The following PRKD3 variants were observed in gnomAD, a reference collection of about 807,000 sequenced individuals.
PRKD3 encodes protein kinase D3.
PRKD3 carries 47 observed loss-of-function variants against 99.2 expected under a neutral mutation model. That is an observed-to-expected ratio of 0.47 (90% CI 0.38 to 0.60). The LOEUF (loss-of-function observed/expected upper bound fraction) is 0.60, where lower values mean the gene tolerates loss of function less well. Ranked by LOEUF, PRKD3 falls within the 20% of genes least tolerant of loss-of-function variation. The pLI, the probability that PRKD3 is intolerant of heterozygous loss-of-function variation, is 0.00. For synonymous variants in PRKD3, 392 were observed against 355.4 expected (o/e 1.10, Z -1.16); for missense variants, 1,019 against 1,088.4 (o/e 0.94, Z 0.90).
At position 37,256,656 on chromosome 2, in the gene PRKD3, TTTTAC is replaced by T; in HGVS notation, c.2413+1_2413+5del. 1.6e-6 allele frequency: 2 copies of T among 1,260,266 alleles called. No individual in the cohort carries two copies. Among genetic ancestry groups the T allele is most frequent in the East Asian group, 2.8e-5 (1 of 35,812 alleles). 78.1% of individuals were successfully genotyped at this position (1,260,266 alleles called of 1,614,324 possible). A position where few individuals can be genotyped will look rare whatever the true frequency, so the allele number is the denominator to read the frequency against. On this transcript the variant is annotated splice_donor_variant and splice_donor_5th_base_variant and intron_variant, in intron 17 of 18. Coordinates refer to ENST00000234179, the MANE Select transcript of PRKD3 (RefSeq NM_005813.6). LOFTEE classifies it high-confidence loss of function. ...TTTTTTTTTTTTTTTTTTTTTTTTT[TTTTAC>T]CTTCACCAGAAATTTCTCTCCATGG...
chr2:37,262,823 T>C (rs866996223), intron 14 of PRKD3, among the ~76,000 whole-genome samples: 1 of 152,220 alleles, frequency 6.6e-6, no homozygotes, highest in African/African-American at 2.4e-5. Flanking sequence ...TATACTTTCA[T>C]TGAGAATTAC....
At chr2:37,289,620 C>A in intron 4 of PRKD3, 107 bp from the exon 5 acceptor site, 1 of 908,398 alleles carries the variant, frequency 1.1e-6, no homozygotes, top group Admixed American at 3.0e-5. Context: ...TTTCTGTTAG[C>A]CATACCTATC....
chr2:37,259,595 C>G lies in PRKD3; in HGVS notation c.2133G>C (p.Glu711Asp). Reference protein sequence around the residue: ...KPENVLLASAEPFPQVKLCDF... With the variant: ...KPENVLLASADPFPQVKLCDF... ...GAGAATATCTCACCTGAGGAAATGG[C>G]TCTGCTGATGCAAGCAGCACATTTT... Residue 711 changes from glutamate (E) to aspartate (D), a missense_variant, in exon 16 of 19, where the codon GAG becomes GAC. Glu to Asp is a conservative substitution (Grantham distance 45). Around this residue, in one of 3 missense-constraint regions of PRKD3, gnomAD observed 184 missense variants for 275.1 expected, o/e 0.67. Coordinates refer to ENST00000234179, the MANE Select transcript of PRKD3 (RefSeq NM_005813.6). 1 of 1,610,396 alleles carries G rather than the reference C, an allele frequency of 6.2e-7. No individual in the cohort carries two copies.
Position 37,290,858 on chromosome 2 carries a change from G to T in PRKD3, c.559+10C>A. Reference sequence around the variant, plus strand: ...ATTTCAAATGACCACAAAAATTTTAGAACACACACCTTCACATTTCAGTCC... The same window carrying T: ...ATTTCAAATGACCACAAAAATTTTATAACACACACCTTCACATTTCAGTCC... On this transcript the variant is annotated intron_variant, in intron 4 of 18. Coordinates refer to ENST00000234179, the MANE Select transcript of PRKD3 (RefSeq NM_005813.6). 8 of 1,568,740 alleles carry T rather than the reference G, an allele frequency of 5.1e-6. No individual in the cohort carries two copies. Among genetic ancestry groups the T allele is most frequent in the Non-Finnish European group, 6.9e-6 (8 of 1,160,082 alleles).
At chr2:37,318,275 G>A (rs2124906647) in intron 1 of PRKD3, among the ~76,000 whole-genome samples, 1 of 152,290 alleles carries the variant, frequency 6.6e-6, no homozygotes, top group Non-Finnish European at 1.5e-5. Context: ...CTACTTTCAA[G>A]TAAATGATCA....
rs1162461192 is a variant in PRKD3 at position 37,269,610 on chromosome 2, C to T, written c.1777+5G>A. On this transcript the variant is annotated splice_donor_5th_base_variant and intron_variant, in intron 13 of 18. Coordinates refer to ENST00000234179, the MANE Select transcript of PRKD3 (RefSeq NM_005813.6). Reference sequence around the variant, plus strand: ...TACAATATGCAAACGGCTGTAGTTGCTTACCTCCATAAACGATGCCAAACT... The same window carrying T: ...TACAATATGCAAACGGCTGTAGTTGTTTACCTCCATAAACGATGCCAAACT... 6 of 1,606,344 alleles carry T rather than the reference C, an allele frequency of 3.7e-6. No individual in the cohort carries two copies. Among genetic ancestry groups the T allele is most frequent in the East Asian group, 2.2e-5 (1 of 44,818 alleles).
chr2:37,274,762 A>AT (rs1487853255), intron 10 of PRKD3, 65 bp from the exon 11 acceptor site: 6 of 1,432,928 alleles, frequency 4.2e-6, no homozygotes, highest in Middle Eastern at 1.9e-4. Flanking sequence ...TAAATACACT[A>AT]AAGAACCAGA....
At position 37,275,766 on chromosome 2, in the gene PRKD3, CCTTAT is replaced by C. The variant is rs1669537970; in HGVS notation, c.1370_1374del (p.Tyr457Ter). 6.2e-7 allele frequency: 1 copy of C among 1,602,854 alleles called. No individual in the cohort carries two copies. ...TATTTTTTAAAGTGTAAAATCCTTA[CCTTAT>C]AATACTTTGATCCAGATTCATTCTG... On this transcript the variant is annotated frameshift_variant and splice_region_variant, in exon 10 of 19. Transcript: ENST00000234179. LOFTEE classifies it high-confidence loss of function.
intron 2 of PRKD3, among the ~76,000 whole-genome samples, chr2:37,309,846 C>CA (rs33959650): frequency 0.069 from 6,754 of 98,092 alleles, 320 homozygotes; most frequent in African/African-American, 0.09. Flanking sequence ...GACTCCGTCT[C>CA]AAAAAAAAAA....
At chr2:37,303,589 A>G (rs1310549623) in intron 2 of PRKD3, among the ~76,000 whole-genome samples, 2 of 151,796 alleles carry the variant, frequency 1.3e-5, no homozygotes, top group African/African-American at 2.4e-5. Flanking sequence ...GCAGCTAGCC[A>G]GATCCTGCAC....
intron 2 of PRKD3, among the ~76,000 whole-genome samples, chr2:37,298,106 T>C (rs1214877142): frequency 6.6e-6 from 1 of 152,212 alleles, no homozygotes; most frequent in Non-Finnish European, 1.5e-5. Flanking sequence ...TACTTTATAC[T>C]TTCAGATATA....
At chr2:37,299,838 T>TA (rs774252942) in intron 2 of PRKD3, among the ~76,000 whole-genome samples, 95 of 152,228 alleles carry the variant, frequency 6.2e-4, no homozygotes, top group Admixed American at 1.1e-3. Flanking sequence ...CACAATGAGA[T>TA]ATCATCTCAT....
At chr2:37,264,682 G>A (rs913220228) in intron 14 of PRKD3, among the ~76,000 whole-genome samples, 3 of 152,094 alleles carry the variant, frequency 2.0e-5, no homozygotes, top group Admixed American at 2.0e-4. Flanking sequence ...AGCCTTTTGA[G>A]ACAGAAGCAT....
chr2:37,300,003 A>G (rs1185486768), intron 2 of PRKD3, among the ~76,000 whole-genome samples: 1 of 152,208 alleles, frequency 6.6e-6, no homozygotes, highest in Non-Finnish European at 1.5e-5. Context: ...CCACCACAGG[A>G]TCCAGCAATC....
intron 2 of PRKD3, among the ~76,000 whole-genome samples, chr2:37,294,658 C>T (rs555970110): frequency 6.8e-4 from 104 of 152,074 alleles, no homozygotes; most frequent in Non-Finnish European, 1.3e-3. Context: ...ATTAAATCTT[C>T]ATTTAAATTT....
chr2:37,258,689 T>C (rs1668170867), intron 16 of PRKD3, among the ~76,000 whole-genome samples: 2 of 152,196 alleles, frequency 1.3e-5, no homozygotes, highest in African/African-American at 2.4e-5. Context: ...CTCAAAATGA[T>C]AGGGAATCAC....
chr2:37,305,781 A>G (rs1671137276), intron 2 of PRKD3, among the ~76,000 whole-genome samples: 1 of 152,236 alleles, frequency 6.6e-6, no homozygotes, highest in South Asian at 2.1e-4. Flanking sequence ...TCACTACAAG[A>G]CCAGTGATCT....
rs1326132852 is a variant in PRKD3, at chr2:37,251,445, A to T, written c.*1732T>A. 2 of 152,552 alleles carry T rather than the reference A, an allele frequency of 1.3e-5. No homozygotes were observed. The highest frequency in any genetic ancestry group is 2.9e-5 in the Non-Finnish European group (2 of 68,014). The allele number at this position is 152,552 out of a possible 1,614,324, so 9.4% of individuals were successfully genotyped here. On this transcript the variant is annotated 3_prime_UTR_variant, in exon 19 of 19. Coordinates refer to ENST00000234179, the MANE Select transcript of PRKD3 (RefSeq NM_005813.6). ...TATCTTTAAGATGAAGCTCATAATG[A>T]CTTAACACTATGGCTGCTGTGAGGG...
Position 37,301,756 on chromosome 2 carries a change from G to C in PRKD3, c.289-8485C>G, listed in dbSNP as rs1034688642. Among the ~76,000 whole-genome samples, 7 of 152,302 alleles carry C rather than the reference G, an allele frequency of 4.6e-5. No individual in the cohort carries two copies. In the East Asian group the frequency reaches 1.2e-3, roughly 25 times the overall value. Reference sequence around the variant, plus strand: ...TTCTAAACATTCTATTCTCCTGAGAGGGAAGAAGTTCAGAAAAGCAGCAGA... The same window carrying C: ...TTCTAAACATTCTATTCTCCTGAGACGGAAGAAGTTCAGAAAAGCAGCAGA... On this transcript the variant is annotated intron_variant, in intron 2 of 18. Transcript: ENST00000234179.
Sources: allele counts gnomAD v4.1 joint callset (sites outside exome capture counted in the v4.1 genomes callset), GRCh38; gene constraint gnomAD v4.1.1; regional missense constraint gnomAD v4.1.1; transcripts MANE v1.5; gene names NCBI Gene and HGNC (gene_info 2026-07-23, HGNC 2026-07-21).